The following SORL1 variants were observed in gnomAD, a reference collection of about 807,000 sequenced individuals.
SORL1 encodes the protein sortilin related receptor 1, also known as sortilin-related receptor.
SORL1 carries 127 observed loss-of-function variants against 273.7 expected under a neutral mutation model. That is an observed-to-expected ratio of 0.46 (90% confidence interval 0.40 to 0.54). The LOEUF (loss-of-function observed/expected upper bound fraction) is 0.54. Among genes scored for constraint, SORL1 ranks in the 20% least tolerant of loss-of-function variants. SORL1 has a pLI of 0.00. For synonymous variants in SORL1, 1,031 were observed against 1,067.4 expected (o/e 0.97, Z 0.66); for missense variants, 2,494 against 2,846.1 (o/e 0.88, Z 2.81).
chr11:121,591,208 C>A (rs765618006), intron 31 of SORL1, 52 bp downstream of exon 31: 1 of 1,593,994 alleles, frequency 6.3e-7, no homozygotes, highest in Non-Finnish European at 8.6e-7. Flanking sequence ...GTGGAGAGGA[C>A]CTTCTGGGGG....
Position 121,478,232 on chromosome 11 carries a change from G to A in SORL1, c.517G>A (p.Asp173Asn). The A allele has an allele frequency of 6.2e-7, 1 of 1,614,024 alleles. No individual in the cohort carries two copies. The highest frequency in any genetic ancestry group is 8.5e-7 in the Non-Finnish European group (1 of 1,180,016). ...VIAQFYHSPADNKRYIFADAY... is the reference protein window; with the variant it reads ...VIAQFYHSPANNKRYIFADAY... Reference sequence around the variant, plus strand: ...CGCCCAGTTCTACCACAGCCCTGCGGACAACAAGCGGGTAAGGAAGTGGCC... The same window carrying A: ...CGCCCAGTTCTACCACAGCCCTGCGAACAACAAGCGGGTAAGGAAGTGGCC... Residue 173 changes from aspartate to asparagine, a missense_variant, in exon 3 of 48, where the codon GAC (aspartate) becomes AAC (asparagine). Coordinates refer to ENST00000260197, the MANE Select transcript of SORL1 (RefSeq NM_003105.6).
At chr11:121,582,870 T>C (rs1486691936) in intron 25 of SORL1, among the ~76,000 whole-genome samples, 1 of 152,198 alleles carries the variant, frequency 6.6e-6, no homozygotes, top group East Asian at 1.9e-4. Flanking sequence ...TTTTAAAGAA[T>C]TGTAATGTAT....
At chr11:121,479,530 T>A (rs1363539798) in intron 3 of SORL1, among the ~76,000 whole-genome samples, 2 of 152,164 alleles carry the variant, frequency 1.3e-5, no homozygotes, top group Non-Finnish European at 2.9e-5. Context: ...TAGCGACTGG[T>A]GTGGCTTGGG....
At chr11:121,455,713 C>T (rs999706130) in intron 1 of SORL1, among the ~76,000 whole-genome samples, 1 of 152,210 alleles carries the variant, frequency 6.6e-6, no homozygotes, top group South Asian at 2.1e-4. Context: ...GACTTTTCTG[C>T]CCATGTTCAA....
chr11:121,595,836 T>A lies in SORL1; in HGVS notation c.4519+64T>A, dbSNP rs1232831588. On this transcript the variant is annotated intron_variant, in intron 32 of 47. Transcript: ENST00000260197. The surrounding 1 kb of genome is among the most constrained non-coding windows in gnomAD (Gnocchi z 5.1). ...TCTGCAGAGAGCACAGTTCTGGTGC[T>A]TCTGCTTCATTTCTGGATCAGCACA... The A allele has an allele frequency of 1.3e-6, 2 of 1,535,284 alleles. No individual in the cohort carries two copies. The highest frequency in any genetic ancestry group is 2.7e-5 in the African/African-American group (2 of 73,002).
intron 12 of SORL1, among the ~76,000 whole-genome samples, chr11:121,532,914 C>T (rs538926249): frequency 1.3e-5 from 2 of 152,170 alleles, no homozygotes; most frequent in East Asian, 3.9e-4. Context: ...GAACCCCTGA[C>T]CTCAGGTGAT....
chr11:121,602,166 T>C (rs1335835037), intron 32 of SORL1, among the ~76,000 whole-genome samples: 1 of 152,188 alleles, frequency 6.6e-6, no homozygotes, highest in Non-Finnish European at 1.5e-5. Context: ...ACACGTTTAT[T>C]TGTCATGAGC....
At chr11:121,533,032 T>C (rs1862223930) in intron 12 of SORL1, among the ~76,000 whole-genome samples, 1 of 152,110 alleles carries the variant, frequency 6.6e-6, no homozygotes, top group Non-Finnish European at 1.5e-5. Flanking sequence ...ACCTGTCCTT[T>C]CTATCACAAA....
intron 6 of SORL1, among the ~76,000 whole-genome samples, chr11:121,504,282 C>T (rs561207843): frequency 8.5e-5 from 13 of 152,214 alleles, no homozygotes; most frequent in East Asian, 5.8e-4. Context: ...CGTGGTGGAG[C>T]GCACCTGTAG....
In SORL1 at chr11:121,577,278, C is replaced by A; in HGVS notation, c.3461-3C>A. 6.3e-7 allele frequency: 1 copy of A among 1,583,310 alleles called. No homozygotes were observed. On this transcript the variant is annotated splice_polypyrimidine_tract_variant and splice_region_variant and intron_variant, in intron 24 of 47. Coordinates refer to ENST00000260197, the MANE Select transcript of SORL1 (RefSeq NM_003105.6). ...ACCTCTCTGTTTATGGTCTCACCTG[C>A]AGAAATGCACCAGTGCCGGAGTGAC...
In SORL1 at chr11:121,493,607, G is replaced by A. The variant is rs182720355; in HGVS notation, c.759-3262G>A. On this transcript the variant is annotated intron_variant, in intron 5 of 47. Coordinates refer to ENST00000260197, the MANE Select transcript of SORL1 (RefSeq NM_003105.6). ...TAGTCTTTTCATTGTTGGTTTCAAG[G>A]AGCTCTTTATATATTCGAGATTAGC... 3.9e-3 allele frequency among the ~76,000 whole-genome samples: 598 copies of A among 152,254 alleles called. 2 individuals carry two copies. The highest frequency in any genetic ancestry group is 6.9e-3 in the Non-Finnish European group (470 of 68,022).
intron 46 of SORL1, chr11:121,626,730 A>T (rs1863800090): frequency 6.6e-6 from 1 of 152,112 alleles, no homozygotes; most frequent in African/African-American, 2.4e-5. Flanking sequence ...TTTGCCAAAA[A>T]CTGATTCCTA....
intron 5 of SORL1, among the ~76,000 whole-genome samples, chr11:121,494,996 G>A (rs1453345011): frequency 6.6e-6 from 1 of 152,192 alleles, no homozygotes; most frequent in Non-Finnish European, 1.5e-5. Context: ...TCCCACACTA[G>A]GACCAAAGCT....
rs768863874 is a variant in SORL1, at chr11:121,604,302, G to C, written c.4629G>C (p.Glu1543Asp). 3.4e-5 allele frequency: 55 copies of C among 1,613,710 alleles called. No individual in the cohort carries two copies. Among genetic ancestry groups the C allele is most frequent in the Non-Finnish European group, 4.2e-5 (50 of 1,179,954 alleles). The change falls in exon 33 of 48, where the codon GAG becomes GAC. Residue 1543 changes from glutamate to aspartate, a missense_variant. Around this residue, in one of 3 missense-constraint regions of SORL1, gnomAD observed 1,609 missense variants for 1,816.4 expected, o/e 0.89. Transcript: ENST00000260197. ...ACGGCTTCCTGGACTGCTCGGACGA[G>C]AGCGATGAAAAGGCCTGCAGTGGTG... is the stretch of plus-strand genomic sequence containing the variant. ...RCDGFLDCSD[E>D]SDEKACSDEL...
chr11:121,580,604 CTTTTTTT>C (rs11404598), intron 25 of SORL1, among the ~76,000 whole-genome samples: 2 of 115,530 alleles, frequency 1.7e-5, no homozygotes, highest in Admixed American at 2.0e-4. Context: ...CATGCACTTA[CTTTTTTT>C]TTTTTTTTTT....
chr11:121,613,126 G>T (rs781272473), intron 40 of SORL1, among the ~76,000 whole-genome samples: 3 of 152,218 alleles, frequency 2.0e-5, no homozygotes, highest in Non-Finnish European at 2.9e-5. Context: ...CTGCAGATGA[G>T]TTTTGATTTC....
rs769704774 is a variant in SORL1 at position 121,513,043 on chromosome 11, G to C, written c.980G>C (p.Trp327Ser). ...GSEQQSSVQL[W>S]VSFGRKPMRA... is the part of the protein sequence containing the mutation. ...GAACAGCAGTCTTCTGTCCAGCTCT[G>C]GGTCTCCTTTGGCCGGAAGCCCATG... Residue 327 changes from tryptophan to serine, a missense_variant, in exon 7 of 48, where the codon TGG becomes TCG. Trp to Ser is a radical substitution (Grantham distance 177). Around this residue, in one of 3 missense-constraint regions of SORL1, gnomAD observed 710 missense variants for 882.5 expected, o/e 0.80. Coordinates refer to ENST00000260197, the MANE Select transcript of SORL1 (RefSeq NM_003105.6). The C allele has an allele frequency of 6.2e-7, 1 of 1,613,930 alleles. No homozygotes were observed. The highest frequency in any genetic ancestry group is 1.3e-5 in the African/African-American group (1 of 74,874).
chr11:121,492,429 A>G (rs1861567598), intron 5 of SORL1, among the ~76,000 whole-genome samples: 1 of 152,054 alleles, frequency 6.6e-6, no homozygotes. Context: ...ATAAAATTGC[A>G]CCTACTCCCC....
chr11:121,578,749 G>T (rs897491854), intron 25 of SORL1, among the ~76,000 whole-genome samples: 2 of 152,228 alleles, frequency 1.3e-5, no homozygotes, highest in African/African-American at 4.8e-5. Context: ...CATCACATGG[G>T]ATATTCTGTG....
Sources: gnomAD v4.1 joint callset for allele counts (sites outside exome capture counted in the v4.1 genomes callset) on GRCh38, gnomAD v4.1.1 for gene constraint, gnomAD v4.1.1 regional missense constraint, Gnocchi (gnomAD v3.1) non-coding constraint, MANE v1.5 for transcripts, NCBI Gene and HGNC (gene_info 2026-07-23, HGNC 2026-07-21) for gene names.